PHKB: variants seen among roughly 807,000 people sequenced by gnomAD.
PHKB encodes phosphorylase kinase regulatory subunit beta.
A neutral mutation model predicts 152.1 loss-of-function variants in PHKB; 122 were observed. The observed-to-expected ratio is 0.80, with a 90% CI of 0.69 to 0.93. The LOEUF (loss-of-function observed/expected upper bound fraction) is 0.93, where lower values mean the gene tolerates loss of function less well. PHKB is among the 40% of genes least tolerant of loss of function. The pLI, the probability that PHKB is intolerant of heterozygous loss-of-function variation, is 0.00. For missense variants in PHKB, 1,304 were observed against 1,328.4 expected, an observed-to-expected ratio of 0.98 and a Z score of 0.29; for synonymous variants, 436 against 464.9, an observed-to-expected ratio of 0.94 and a Z score of 0.80.
At chr16:47,565,247 G>A (rs994987439) in intron 7 of PHKB, 37 of 692,330 alleles carry the variant, frequency 5.3e-5, no homozygotes, top group Admixed American at 7.2e-5. Flanking sequence ...ATCTGACTCC[G>A]TTCAGTGGTC....
chr16:47,691,595 C>G (rs1974061300), intron 27 of PHKB, among the ~76,000 whole-genome samples: 2 of 151,972 alleles, frequency 1.3e-5, no homozygotes, highest in South Asian at 4.1e-4. Flanking sequence ...GTTCCAGCTA[C>G]TCAGGAGGCC....
intron 14 of PHKB, among the ~76,000 whole-genome samples, chr16:47,636,875 G>A (rs115343115): frequency 0.02 from 3,044 of 152,234 alleles, 103 homozygotes; most frequent in African/African-American, 0.069. Context: ...CCTGGGGGCC[G>A]GGCTGCCACC....
intron 8 of PHKB, among the ~76,000 whole-genome samples, chr16:47,586,677 GA>G (rs1451839009): frequency 3.9e-5 from 6 of 152,116 alleles, no homozygotes; most frequent in Non-Finnish European, 8.8e-5. Context: ...TGAGAATTAG[GA>G]TGAGATTCAG....
At chr16:47,524,334 A>C (rs928902786) in intron 6 of PHKB, among the ~76,000 whole-genome samples, 17 of 152,182 alleles carry the variant, frequency 1.1e-4, no homozygotes, top group African/African-American at 3.1e-4. Flanking sequence ...ATTTTATAAG[A>C]TCCATTAACC....
At chr16:47,654,431 A>G (rs1042848530) in intron 20 of PHKB, among the ~76,000 whole-genome samples, 1 of 152,198 alleles carries the variant, frequency 6.6e-6, no homozygotes, top group Non-Finnish European at 1.5e-5. Context: ...ATACCATTTG[A>G]CCCAGCCATC....
At chr16:47,463,613 C>T in intron 1 of PHKB, 1 of 359,572 alleles carries the variant, frequency 2.8e-6, no homozygotes, top group Non-Finnish European at 5.3e-6. Flanking sequence ...AGCATTGTTA[C>T]ATAGTAGCAT....
chr16:47,680,615 T>C (rs1238120976), intron 26 of PHKB, among the ~76,000 whole-genome samples: 1 of 152,202 alleles, frequency 6.6e-6, no homozygotes, highest in African/African-American at 2.4e-5. Flanking sequence ...GGTGGTGATA[T>C]CCCCTTTGTC....
intron 13 of PHKB, among the ~76,000 whole-genome samples, chr16:47,609,540 T>C (rs1046457280): frequency 6.9e-5 from 10 of 144,650 alleles, no homozygotes; most frequent in African/African-American, 2.9e-4. Context: ...TATGTGTGGA[T>C]GTGTGTGTGT....
intron 13 of PHKB, among the ~76,000 whole-genome samples, chr16:47,603,137 G>T (rs964500135): frequency 6.6e-6 from 1 of 152,172 alleles, no homozygotes; most frequent in Non-Finnish European, 1.5e-5. Context: ...GTCCCCTAGT[G>T]TATGTATATA....
At chr16:47,574,764 T>TC (rs140025851) in intron 7 of PHKB, among the ~76,000 whole-genome samples, 2 of 152,278 alleles carry the variant, frequency 1.3e-5, no homozygotes, top group African/African-American at 4.8e-5. Flanking sequence ...TTCATGAGGA[T>TC]CCTGACACCT....
At chr16:47,553,565 T>G (rs1971312782) in intron 7 of PHKB, among the ~76,000 whole-genome samples, 1 of 152,074 alleles carries the variant, frequency 6.6e-6, no homozygotes, top group Non-Finnish European at 1.5e-5. Context: ...TCCATCCAGT[T>G]TTGTTCCCTT....
chr16:47,571,460 G>A (rs1487578516), intron 7 of PHKB, among the ~76,000 whole-genome samples: 1 of 152,106 alleles, frequency 6.6e-6, no homozygotes, highest in East Asian at 1.9e-4. Context: ...CAGCAGGAAA[G>A]CAACCTCCCT....
At chr16:47,535,551 A>G (rs926224269) in intron 6 of PHKB, among the ~76,000 whole-genome samples, 1 of 152,208 alleles carries the variant, frequency 6.6e-6, no homozygotes, top group African/African-American at 2.4e-5. Flanking sequence ...TTAGTAACAT[A>G]TGGAGAGAGA....
chr16:47,489,493 T>C (rs986214451), intron 1 of PHKB, among the ~76,000 whole-genome samples: 1 of 152,254 alleles, frequency 6.6e-6, no homozygotes, highest in Non-Finnish European at 1.5e-5. Context: ...TATTTCTACA[T>C]AGGCTTTTTA....
chr16:47,580,370 G>A lies in PHKB; in HGVS notation c.774+12G>A, dbSNP rs754963010. On this transcript the variant is annotated intron_variant, in intron 8 of 30. Transcript: ENST00000323584. ...TTTTTGGCAACCAGGTAAAAAATAAGACCCCCAGAATCTTTGATTATTTGA... is the reference window on the plus strand; with the variant it reads ...TTTTTGGCAACCAGGTAAAAAATAAAACCCCCAGAATCTTTGATTATTTGA... 1 of 1,579,134 alleles carries A rather than the reference G, an allele frequency of 6.3e-7. No homozygotes were observed. The highest frequency in any genetic ancestry group is 2.2e-5 in the East Asian group (1 of 44,544).
chr16:47,601,234 T>C (rs1972220214), intron 13 of PHKB, among the ~76,000 whole-genome samples: 1 of 152,056 alleles, frequency 6.6e-6, no homozygotes, highest in South Asian at 2.1e-4. Context: ...TGCTTGAAAA[T>C]CTTGATGTTT....
intron 14 of PHKB, among the ~76,000 whole-genome samples, chr16:47,633,324 AG>A (rs1206291808): frequency 6.6e-6 from 1 of 152,180 alleles, no homozygotes; most frequent in Non-Finnish European, 1.5e-5. Flanking sequence ...TAAAAAAAAA[AG>A]TTCCTCCTCC....
intron 6 of PHKB, among the ~76,000 whole-genome samples, chr16:47,541,744 C>A (rs1359257397): frequency 6.6e-6 from 1 of 152,168 alleles, no homozygotes; most frequent in Non-Finnish European, 1.5e-5. Flanking sequence ...TCTCTGACGA[C>A]CAGTGATGAT....
rs545915904 is a variant in PHKB, at chr16:47,490,787, A to G, written c.77-6612A>G. On this transcript the variant is annotated intron_variant, in intron 1 of 30. Transcript: ENST00000323584. ...TGCCAAAGGGCAGATCAGTGCCCCA[A>G]GAGTACCCTGTTGTGCTTTCATTCC... Among the ~76,000 whole-genome samples the G allele has an allele frequency of 3.9e-5, 6 of 152,346 alleles. No homozygotes were observed. In the South Asian group the frequency reaches 1.0e-3, roughly 26 times the overall value.
Sources: gnomAD v4.1 joint callset for allele counts (sites outside exome capture counted in the v4.1 genomes callset) on GRCh38, gnomAD v4.1.1 for gene constraint, MANE v1.5 for transcripts, NCBI Gene and HGNC (gene_info 2026-07-23, HGNC 2026-07-21) for gene names.